The following LARGE1 variants were observed in gnomAD, a reference collection of about 807,000 sequenced individuals.
The protein encoded by LARGE1 is xylosyl- and glucuronyltransferase LARGE1.
In LARGE1, 43 loss-of-function variants were observed where a neutral mutation model predicts 87.6. The ratio of observed to expected loss-of-function variants is 0.49; its 90% CI spans 0.38 to 0.63. LARGE1 has a LOEUF of 0.63. LARGE1 is among the 30% of genes least tolerant of loss of function. The pLI is 0.00. For missense variants in LARGE1, 802 were observed against 1,000.2 expected (o/e 0.80, Z 2.67); for synonymous variants, 434 against 394.6 (o/e 1.10, Z -1.18).
intron 2 of LARGE1, among the ~76,000 whole-genome samples, chr22:33,734,677 G>C (rs751119311): frequency 1.3e-5 from 2 of 152,094 alleles, no homozygotes; most frequent in Non-Finnish European, 2.9e-5. Context: ...GGAGTTTGGG[G>C]TTCATGCTTC....
intron 11 of LARGE1, among the ~76,000 whole-genome samples, chr22:33,230,131 C>T (rs991761208): frequency 2.0e-5 from 3 of 151,032 alleles, no homozygotes; most frequent in Admixed American, 2.0e-4. Context: ...TCTGCCTCAG[C>T]CTCCCTAGTA....
intron 10 of LARGE1, among the ~76,000 whole-genome samples, chr22:33,323,423 G>A (rs900845119): frequency 6.6e-6 from 1 of 152,242 alleles, no homozygotes; most frequent in Non-Finnish European, 1.5e-5. Context: ...CTAAGGCTCA[G>A]GAGCTTTCAG....
intron 12 of LARGE1, among the ~76,000 whole-genome samples, chr22:33,298,430 TG>T (rs1323532850): frequency 6.6e-6 from 1 of 152,234 alleles, no homozygotes; most frequent in Non-Finnish European, 1.5e-5. Flanking sequence ...CCTTAAGAAC[TG>T]GGGAAGAGGA....
intron 6 of LARGE1, among the ~76,000 whole-genome samples, chr22:33,524,206 G>A (rs1229461912): frequency 1.3e-5 from 2 of 151,332 alleles, no homozygotes; most frequent in African/African-American, 4.9e-5. Context: ...CAGGAGAACT[G>A]CTTGAACCCA....
At chr22:33,270,899 G>A (rs1928208047), downstream of LARGE1, among the ~76,000 whole-genome samples, 1 of 152,170 alleles carries the variant, frequency 6.6e-6, no homozygotes, top group African/African-American at 2.4e-5. Context: ...TCACTCTGAA[G>A]CAGCATGCTA....
In LARGE1 at chr22:33,510,383, G is replaced by A. The variant is rs559782828; in HGVS notation, c.787+54465C>T. ...GATGAGGAAATTCAGCCATAGAGAG[G>A]AGACCTCTAACAATTGGCTTGTGTC... On this transcript the variant is annotated intron_variant, in intron 6 of 14. Coordinates refer to ENST00000397394, the MANE Select transcript of LARGE1 (RefSeq NM_133642.5). 2.0e-5 allele frequency among the ~76,000 whole-genome samples: 3 copies of A among 152,326 alleles called. No homozygotes were observed. The South Asian group carries it at 6.2e-4, about 32-fold the overall frequency.
chr22:33,620,574 ACCATAGAGGTTGCATGCTGACACAAC>A (rs2079717775), intron 4 of LARGE1, among the ~76,000 whole-genome samples: 1 of 152,132 alleles, frequency 6.6e-6, no homozygotes, highest in South Asian at 2.1e-4. Context: ...TTTCTTCTTC[ACCATAGAGGTTGCATGCTGACACAAC>A]CAAAAATATA....
chr22:33,545,264 CTTTTTT>C (rs57882316), intron 6 of LARGE1, among the ~76,000 whole-genome samples: 1 of 132,054 alleles, frequency 7.6e-6, no homozygotes. Flanking sequence ...CTTTCCTTTT[CTTTTTT>C]TTTTTTTTTT....
chr22:33,759,240 TG>T (rs2084632799), intron 2 of LARGE1, among the ~76,000 whole-genome samples: 1 of 152,220 alleles, frequency 6.6e-6, no homozygotes, highest in Admixed American at 6.5e-5. Context: ...AAAATCAATT[TG>T]GGTTGGCTTT....
At chr22:33,476,691 C>T (rs557033917) in intron 6 of LARGE1, among the ~76,000 whole-genome samples, 1 of 151,308 alleles carries the variant, frequency 6.6e-6, no homozygotes, top group South Asian at 2.1e-4. Flanking sequence ...TTCCCTATCC[C>T]ACTGCACCCC....
intron 1 of LARGE1, among the ~76,000 whole-genome samples, chr22:33,765,502 A>G (rs447318): frequency 0.91 from 138,411 of 151,906 alleles, 63,217 homozygotes; most frequent in East Asian, 0.97. Context: ...TCAGGAGTTC[A>G]AAACCCGCCT....
chr22:33,763,121 C>T (rs1193250142), intron 1 of LARGE1, among the ~76,000 whole-genome samples: 1 of 152,220 alleles, frequency 6.6e-6, no homozygotes, highest in East Asian at 1.9e-4. Flanking sequence ...CCCATCAGAT[C>T]CACCTTGCAT....
intron 6 of LARGE1, among the ~76,000 whole-genome samples, chr22:33,437,010 G>A (rs562688130): frequency 1.3e-5 from 2 of 151,888 alleles, no homozygotes; most frequent in African/African-American, 2.4e-5. Context: ...CAGGGGCGGG[G>A]GTGGTGCATA....
At chr22:33,284,402 C>G (rs1242426085) in intron 12 of LARGE1, among the ~76,000 whole-genome samples, 1 of 152,170 alleles carries the variant, frequency 6.6e-6, no homozygotes, top group Non-Finnish European at 1.5e-5. Context: ...TCTGGTATCT[C>G]CCTAAGAGAA....
At chr22:33,442,469 T>C (rs898184684) in intron 6 of LARGE1, among the ~76,000 whole-genome samples, 3 of 152,122 alleles carry the variant, frequency 2.0e-5, no homozygotes, top group African/African-American at 7.2e-5. Context: ...GTGGCCCCCA[T>C]TAATTCTGAT....
chr22:33,385,114 T>C (rs1200944778), intron 7 of LARGE1, among the ~76,000 whole-genome samples: 1 of 148,700 alleles, frequency 6.7e-6, no homozygotes, highest in Admixed American at 6.7e-5. Context: ...AAGAAACTAA[T>C]AATAAGAGGT....
chr22:33,485,794 C>T (rs566240959), intron 6 of LARGE1, among the ~76,000 whole-genome samples: 1 of 152,328 alleles, frequency 6.6e-6, no homozygotes, highest in African/African-American at 2.4e-5. Flanking sequence ...TCTCCCCTCA[C>T]ACTCTCAACC....
At chr22:33,352,150 T>C (rs1250096973) in intron 9 of LARGE1, among the ~76,000 whole-genome samples, 1 of 152,164 alleles carries the variant, frequency 6.6e-6, no homozygotes, top group Non-Finnish European at 1.5e-5. Context: ...CCTGACACAA[T>C]GTGAGGAGGA....
intron 2 of LARGE1, among the ~76,000 whole-genome samples, chr22:33,667,411 A>T (rs2081298896): frequency 6.6e-6 from 1 of 152,228 alleles, no homozygotes; most frequent in African/African-American, 2.4e-5. Flanking sequence ...ACAGGAAAGG[A>T]TGCCTTAACA....
Sources: gnomAD v4.1 joint callset for allele counts (sites outside exome capture counted in the v4.1 genomes callset) on GRCh38, gnomAD v4.1.1 for gene constraint, MANE v1.5 for transcripts, NCBI Gene and HGNC (gene_info 2026-07-23, HGNC 2026-07-21) for gene names.